KANSL1L: variants seen among roughly 807,000 people sequenced by gnomAD.
The protein encoded by KANSL1L is KAT8 regulatory NSL complex subunit 1-like protein.
A neutral mutation model predicts 108.6 loss-of-function variants in KANSL1L; 25 were observed. That is an observed-to-expected ratio of 0.23 (90% CI 0.17 to 0.32). KANSL1L has a LOEUF of 0.32. Ranked by LOEUF, KANSL1L falls within the 10% of genes least tolerant of loss-of-function variation. The pLI, the probability that KANSL1L is intolerant of heterozygous loss-of-function variation, is 1.00. For synonymous variants in KANSL1L, 405 were observed against 395.1 expected (o/e 1.03, Z -0.30); for missense variants, 1,137 against 1,125.7 (o/e 1.01, Z -0.14).
At chr2:210,145,439 T>C (rs1428431794) in intron 2 of KANSL1L, among the ~76,000 whole-genome samples, 1 of 152,196 alleles carries the variant, frequency 6.6e-6, no homozygotes, top group Non-Finnish European at 1.5e-5. Flanking sequence ...ATGTGCAAGA[T>C]GTGACTGCTT....
At chr2:210,057,281 A>G (rs1385667655) in intron 6 of KANSL1L, among the ~76,000 whole-genome samples, 1 of 152,218 alleles carries the variant, frequency 6.6e-6, no homozygotes, top group Non-Finnish European at 1.5e-5. Context: ...ACTTGCCTGC[A>G]ATCCCAGCTA....
rs988194559 is a variant in KANSL1L at position 210,096,548 on chromosome 2, G to A, written c.1550+1538C>T. The A allele has an allele frequency of 4.1e-6, 4 of 984,504 alleles. No individual in the cohort carries two copies. In the African/African-American group the frequency reaches 7.0e-5, roughly 17 times the overall value. 61.0% of individuals were successfully genotyped at this position (984,504 alleles called of 1,614,324 possible). On this transcript the variant is annotated intron_variant, in intron 5 of 14. Coordinates refer to ENST00000281772, the MANE Select transcript of KANSL1L (RefSeq NM_152519.4). ...CACATGTAACTATGTGTGTAACTGT[G>A]TAGTACTTGATTAGGTAAACAAAGT...
chr2:210,114,116 C>G (rs959085303), intron 3 of KANSL1L, among the ~76,000 whole-genome samples: 3 of 151,996 alleles, frequency 2.0e-5, no homozygotes, highest in Admixed American at 6.6e-5. Flanking sequence ...CCAAAGAGTA[C>G]TACAAAGAAA....
At chr2:210,139,733 G>A (rs2095210626) in intron 2 of KANSL1L, among the ~76,000 whole-genome samples, 1 of 149,026 alleles carries the variant, frequency 6.7e-6, no homozygotes, top group East Asian at 2.0e-4. Flanking sequence ...CAGGTCCTTT[G>A]CCCATTTCCT....
intron 1 of KANSL1L, among the ~76,000 whole-genome samples, chr2:210,164,074 TTGC>T (rs1235428246): frequency 6.6e-6 from 1 of 152,146 alleles, no homozygotes; most frequent in African/African-American, 2.4e-5. Context: ...AATTTTAAAC[TTGC>T]TACTACTAGA....
At chr2:210,140,509 CAT>C (rs2095218064) in intron 2 of KANSL1L, among the ~76,000 whole-genome samples, 1 of 152,186 alleles carries the variant, frequency 6.6e-6, no homozygotes, top group South Asian at 2.1e-4. Context: ...GTTTCATAGG[CAT>C]ATGTGTGTTT....
chr2:210,163,697 A>T (rs1452100630), intron 1 of KANSL1L, among the ~76,000 whole-genome samples: 1 of 152,166 alleles, frequency 6.6e-6, no homozygotes. Flanking sequence ...TAAATGAAGA[A>T]ATATATAAAA....
intron 3 of KANSL1L, among the ~76,000 whole-genome samples, chr2:210,108,610 T>G (rs574949826): frequency 2.0e-5 from 3 of 152,318 alleles, no homozygotes; most frequent in African/African-American, 7.2e-5. Context: ...CTTAGAACTC[T>G]ATTTGCTATA....
chr2:210,096,411 G>A (rs773759444), intron 5 of KANSL1L: 1 of 790,960 alleles, frequency 1.3e-6, no homozygotes, highest in African/African-American at 1.9e-5. Flanking sequence ...GTGTCCCTAG[G>A]ACTTGACTAT....
intron 2 of KANSL1L, among the ~76,000 whole-genome samples, chr2:210,147,188 TGGTC>T (rs979628223): frequency 6.6e-6 from 1 of 152,240 alleles, no homozygotes; most frequent in African/African-American, 2.4e-5. Context: ...TGCTTGGGCA[TGGTC>T]GCTCATGCTG....
At chr2:210,107,098 C>G (rs1425042892) in intron 3 of KANSL1L, among the ~76,000 whole-genome samples, 1 of 152,022 alleles carries the variant, frequency 6.6e-6, no homozygotes, top group Non-Finnish European at 1.5e-5. Context: ...AAGATGAAAG[C>G]AAATCAACTG....
At chr2:210,063,024 A>G (rs970094181) in intron 6 of KANSL1L, among the ~76,000 whole-genome samples, 3 of 152,164 alleles carry the variant, frequency 2.0e-5, no homozygotes, top group Non-Finnish European at 4.4e-5. Context: ...GAGGCCTAGG[A>G]AGAAAAAGTG....
chr2:210,022,647 A>C lies in KANSL1L; in HGVS notation c.*302T>G, dbSNP rs1468529224. The stretch of plus-strand genomic sequence containing the variant: ...ATGTATGTATGTATGGTGTGGGTAC[A>C]TAGTCTTAAAAATTACCCAGTAATG... On this transcript the variant is annotated 3_prime_UTR_variant, in exon 15 of 15. Coordinates refer to ENST00000281772, the MANE Select transcript of KANSL1L (RefSeq NM_152519.4). 2.9e-6 allele frequency: 1 copy of C among 347,884 alleles called. No homozygotes were observed. Among genetic ancestry groups the C allele is most frequent in the Non-Finnish European group, 5.4e-6 (1 of 185,756 alleles). The allele number at this position is 347,884 out of a possible 1,614,324, so 21.5% of individuals were successfully genotyped here.
At position 210,097,348 on chromosome 2, in the gene KANSL1L, A is replaced by G. The variant is rs146175077; in HGVS notation, c.1550+738T>C. On this transcript the variant is annotated intron_variant, in intron 5 of 14. Coordinates refer to ENST00000281772, the MANE Select transcript of KANSL1L (RefSeq NM_152519.4). ...AAATTATATAATTTTTAACACAAATATTTCCCAAAATTACACTTAGTTCTC... is the reference window on the plus strand; with the variant it reads ...AAATTATATAATTTTTAACACAAATGTTTCCCAAAATTACACTTAGTTCTC... 4.1e-5 allele frequency: 32 copies of G among 779,928 alleles called. 1 individual carries two copies. The East Asian group carries it at 2.9e-3, about 72-fold the overall frequency. 48.3% of individuals were successfully genotyped at this position (779,928 alleles called of 1,614,324 possible). A position where few individuals can be genotyped will look rare whatever the true frequency, so the allele number is the denominator to read the frequency against.
intron 3 of KANSL1L, among the ~76,000 whole-genome samples, chr2:210,113,486 T>A (rs946391485): frequency 2.0e-5 from 3 of 151,710 alleles, no homozygotes; most frequent in Non-Finnish European, 4.4e-5. Context: ...TTTCCATTAT[T>A]AGAGTCAAAT....
At chr2:210,166,116 G>A (rs1031849723) in intron 1 of KANSL1L, among the ~76,000 whole-genome samples, 2 of 152,116 alleles carry the variant, frequency 1.3e-5, no homozygotes, top group Admixed American at 6.5e-5. Flanking sequence ...ATGGACTACT[G>A]TACTACAAAT....
intron 2 of KANSL1L, among the ~76,000 whole-genome samples, chr2:210,133,109 C>T (rs7559579): frequency 0.93 from 140,977 of 152,142 alleles, 66,278 homozygotes; most frequent in East Asian, 1. Context: ...TACAGTCATC[C>T]CTTAGTATAA....
At chr2:210,144,311 G>A (rs2095250711) in intron 2 of KANSL1L, among the ~76,000 whole-genome samples, 1 of 152,104 alleles carries the variant, frequency 6.6e-6, no homozygotes, top group Admixed American at 6.6e-5. Context: ...GTTTGAAAAT[G>A]ACTGGAGAAC....
intron 6 of KANSL1L, among the ~76,000 whole-genome samples, chr2:210,058,706 G>A (rs567703556): frequency 6.9e-4 from 105 of 151,966 alleles, no homozygotes; most frequent in Non-Finnish European, 9.9e-4. Flanking sequence ...GCGTGGTGGC[G>A]GGCGCCTGTA....
Sources: allele counts gnomAD v4.1 joint callset (sites outside exome capture counted in the v4.1 genomes callset), GRCh38; gene constraint gnomAD v4.1.1; transcripts MANE v1.5; gene names NCBI Gene and HGNC (gene_info 2026-07-23, HGNC 2026-07-21).